BTD: variants seen among roughly 807,000 people sequenced by gnomAD.
BTD encodes the protein biotinidase, also known as biocytinase.
Under a neutral mutation model 17.7 loss-of-function variants are expected in BTD, and 13 were observed. That is an observed-to-expected ratio of 0.74 (90% CI 0.48 to 1.17). BTD has a LOEUF of 1.17. Ranked by LOEUF, BTD falls within the 50% of genes most tolerant of loss-of-function variation. The probability of loss-of-function intolerance (pLI) is 0.00; values close to 1 mark genes in which losing one functional copy is unlikely to be tolerated. For synonymous variants in BTD, 240 were observed against 245.2 expected (o/e 0.98, Z 0.20); for missense variants, 674 against 650.4 (o/e 1.04, Z -0.39).
intron 3 of BTD, among the ~76,000 whole-genome samples, chr3:15,692,148 A>T (rs2068889232): frequency 6.6e-6 from 1 of 150,634 alleles, no homozygotes; most frequent in Non-Finnish European, 1.5e-5. Context: ...TCTAAATAAA[A>T]AAAAAAAAAA....
intron 1 of BTD, among the ~76,000 whole-genome samples, chr3:15,607,955 G>A (rs1338087326): frequency 2.0e-5 from 3 of 152,236 alleles, no homozygotes; most frequent in African/African-American, 7.2e-5. Flanking sequence ...CATTAAATCT[G>A]TGGACTTCAG....
chr3:15,719,006 C>T (rs541960908), intron 4 of BTD, among the ~76,000 whole-genome samples: 3 of 152,126 alleles, frequency 2.0e-5, no homozygotes, highest in African/African-American at 7.2e-5. Flanking sequence ...CAGTTCAAAC[C>T]TGTAATAAAT....
chr3:15,674,174 C>CAAAAAAA (rs34806568), intron 3 of BTD, among the ~76,000 whole-genome samples: 1,071 of 40,202 alleles, frequency 0.027, 209 homozygotes, highest in Non-Finnish European at 0.033. Flanking sequence ...CCTGCCTCTT[C>CAAAAAAA]AAAAAAAAAA....
chr3:15,678,112 G>A lies in BTD; in HGVS notation c.400-31948G>A, dbSNP rs528944293. On this transcript the variant is annotated intron_variant, in intron 3 of 3. Coordinates refer to the BTD transcript ENST00000672141. ...TAAAAGGTTTTAAGTCTTAGGAGTG[G>A]TAAGATAACTAGTTGAAGTCAGAAG... The A allele has an allele frequency of 4.9e-6, 6 of 1,216,144 alleles. No individual in the cohort carries two copies. In the East Asian group the frequency reaches 1.3e-4, roughly 26 times the overall value. 75.3% of individuals were successfully genotyped at this position (1,216,144 alleles called of 1,614,324 possible).
At chr3:15,623,039 A>G (rs905112682) in intron 1 of BTD, among the ~76,000 whole-genome samples, 2 of 152,254 alleles carry the variant, frequency 1.3e-5, no homozygotes, top group African/African-American at 2.4e-5. Flanking sequence ...CATGTCTTAC[A>G]TGGTAGCAGA....
chr3:15,611,008 A>G (rs2064608845), intron 1 of BTD, among the ~76,000 whole-genome samples: 1 of 151,852 alleles, frequency 6.6e-6, no homozygotes, highest in Non-Finnish European at 1.5e-5. Flanking sequence ...TGAACTTTAG[A>G]TGAACAATGC....
intron 3 of BTD, among the ~76,000 whole-genome samples, chr3:15,660,991 C>T (rs1384517195): frequency 1.3e-5 from 2 of 152,130 alleles, no homozygotes; most frequent in African/African-American, 4.8e-5. Context: ...CCAAGCTGGG[C>T]ATGGTGGGTC....
chr3:15,718,166 G>T (rs887675963), intron 4 of BTD, among the ~76,000 whole-genome samples: 1 of 152,172 alleles, frequency 6.6e-6, no homozygotes, highest in African/African-American at 2.4e-5. Flanking sequence ...AACATATTGT[G>T]TGTAAGAGCT....
chr3:15,601,364 C>G (rs376991515), upstream of BTD: 102 of 1,613,912 alleles, frequency 6.3e-5, no homozygotes, highest in Non-Finnish European at 8.5e-5. Flanking sequence ...GCCTTTCATT[C>G]CAGGAAGGTC....
chr3:15,614,836 A>G (rs1230595594), intron 1 of BTD, among the ~76,000 whole-genome samples: 3 of 151,816 alleles, frequency 2.0e-5, no homozygotes, highest in Non-Finnish European at 4.4e-5. Context: ...GGCTCAAGTT[A>G]TCTTCCTGCC....
rs147806881 is a variant in BTD, at chr3:15,651,602, G to A, written c.*6114G>A. 3.7e-3 allele frequency among the ~76,000 whole-genome samples: 571 copies of A among 152,286 alleles called. 3 individuals are homozygous for A. Among genetic ancestry groups the A allele is most frequent in the African/African-American group, 0.013 (541 of 41,552 alleles). ...CGGTGTGACAGGCAGAGAGCCAGGC[G>A]ATCCATATCCTGTCTCCTCTCTCTT... On this transcript the variant is annotated 3_prime_UTR_variant, in exon 4 of 4. Coordinates refer to ENST00000643237, the MANE Select transcript of BTD (RefSeq NM_001370658.1).
In BTD at chr3:15,646,639, C is replaced by A. The variant is rs930602038; in HGVS notation, c.*1151C>A. On this transcript the variant is annotated 3_prime_UTR_variant, in exon 4 of 4. Coordinates refer to ENST00000643237, the MANE Select transcript of BTD (RefSeq NM_001370658.1). ...AAAGCCATTTAAAAAAGGATTTTGACTGCATGCCTAGTAGCTGTTTCAGAT... is the reference window on the plus strand; with the variant it reads ...AAAGCCATTTAAAAAAGGATTTTGAATGCATGCCTAGTAGCTGTTTCAGAT... 9 of 152,232 alleles carry A rather than the reference C, an allele frequency of 5.9e-5. No homozygotes were observed. The highest frequency in any genetic ancestry group is 2.2e-4 in the African/African-American group (9 of 41,464). 9.4% of individuals were successfully genotyped at this position (152,232 alleles called of 1,614,324 possible). A position where few individuals can be genotyped will look rare whatever the true frequency, so the allele number is the denominator to read the frequency against.
intron 3 of BTD, among the ~76,000 whole-genome samples, chr3:15,687,069 A>G (rs369826747): frequency 1.3e-4 from 20 of 151,886 alleles, no homozygotes; most frequent in African/African-American, 4.6e-4. Flanking sequence ...CAGCCTCCCA[A>G]GTAGCTGGGA....
intron 1 of BTD, among the ~76,000 whole-genome samples, chr3:15,604,631 G>C (rs2064387805): frequency 6.6e-6 from 1 of 152,162 alleles, no homozygotes; most frequent in Non-Finnish European, 1.5e-5. Context: ...ATTTTCTACT[G>C]CATCGTCAGT....
chr3:15,711,028 C>T (rs1430683451), exon 4 of BTD, among the ~76,000 whole-genome samples: 1 of 152,030 alleles, frequency 6.6e-6, no homozygotes, highest in East Asian at 1.9e-4. Flanking sequence ...TCATAACCTA[C>T]AACTTGGCTG....
At position 15,651,927 on chromosome 3, in the gene BTD, C is replaced by T. The variant is rs2065811565; in HGVS notation, c.*6439C>T. 6.6e-6 allele frequency among the ~76,000 whole-genome samples: 1 copy of T among 152,200 alleles called. No individual in the cohort carries two copies. Among genetic ancestry groups the T allele is most frequent in the Non-Finnish European group, 1.5e-5 (1 of 68,030 alleles). Reference sequence around the variant, plus strand: ...AAGATTAGCCCCCAGTGCTCCCCACCTGCTGGTATCCGTTGTACAACACTT... The same window carrying T: ...AAGATTAGCCCCCAGTGCTCCCCACTTGCTGGTATCCGTTGTACAACACTT... On this transcript the variant is annotated 3_prime_UTR_variant, in exon 4 of 4. Coordinates refer to ENST00000643237, the MANE Select transcript of BTD (RefSeq NM_001370658.1).
chr3:15,636,951 G>A (rs2065365400), intron 2 of BTD, among the ~76,000 whole-genome samples: 1 of 151,972 alleles, frequency 6.6e-6, no homozygotes, highest in Admixed American at 6.6e-5. Context: ...CACCTTCAGT[G>A]GCTCAGACTC....
intron 4 of BTD, among the ~76,000 whole-genome samples, chr3:15,719,325 C>T (rs1212759522): frequency 6.6e-6 from 1 of 152,178 alleles, no homozygotes; most frequent in Non-Finnish European, 1.5e-5. Context: ...CTGAAAATCA[C>T]ATTTTAAGCT....
At chr3:15,679,175 G>A (rs1047724291) in intron 3 of BTD, 2 of 793,594 alleles carry the variant, frequency 2.5e-6, no homozygotes, top group Admixed American at 2.1e-5. Flanking sequence ...TTGCTATGTT[G>A]ACCAGGCTGG....
Sources: allele counts gnomAD v4.1 joint callset (sites outside exome capture counted in the v4.1 genomes callset), GRCh38; gene constraint gnomAD v4.1.1; transcripts MANE v1.5; gene names NCBI Gene and HGNC (gene_info 2026-07-23, HGNC 2026-07-21).